Variants in SUZ12 observed in about 807,000 individuals in gnomAD.
SUZ12 encodes the protein polycomb protein SUZ12.
SUZ12 carries 17 observed loss-of-function variants against 87.3 expected under a neutral mutation model. The ratio of observed to expected loss-of-function variants is 0.19; its 90% CI spans 0.13 to 0.29. SUZ12 has a LOEUF of 0.29. SUZ12 is among the 10% of genes least tolerant of loss of function. The pLI is 1.00. For synonymous variants in SUZ12, 253 were observed against 312.4 expected (o/e 0.81, Z 2.01); for missense variants, 526 against 912.2 (o/e 0.58, Z 5.45).
chr17:31,957,352 G>A (rs182778762), intron 4 of SUZ12, among the ~76,000 whole-genome samples: 8 of 151,330 alleles, frequency 5.3e-5, no homozygotes, highest in Admixed American at 5.3e-4. Context: ...TAATTCTCCT[G>A]TCTCAGCTTC....
At chr17:31,938,692 T>A (rs1906089065) in intron 1 of SUZ12, among the ~76,000 whole-genome samples, 1 of 152,234 alleles carries the variant, frequency 6.6e-6, no homozygotes, top group South Asian at 2.1e-4. Context: ...GTGGTGACAA[T>A]AATGATACTT....
chr17:31,958,168 C>G (rs1441639098), intron 4 of SUZ12, among the ~76,000 whole-genome samples: 2 of 151,802 alleles, frequency 1.3e-5, no homozygotes, highest in Admixed American at 6.6e-5. Context: ...TCCCAAAGTG[C>G]CGGGATTGCA....
chr17:31,958,195 C>T (rs1159511116), intron 4 of SUZ12, among the ~76,000 whole-genome samples: 1 of 152,006 alleles, frequency 6.6e-6, no homozygotes, highest in Admixed American at 6.6e-5. Flanking sequence ...AGCCACCGCG[C>T]CCAGCCCCTT....
chr17:31,978,707 A>T (rs1365905390), intron 8 of SUZ12, among the ~76,000 whole-genome samples: 1 of 152,152 alleles, frequency 6.6e-6, no homozygotes, highest in Non-Finnish European at 1.5e-5. Flanking sequence ...TAATCACTGT[A>T]CCTGACACAT....
chr17:31,967,887 C>G (rs1228354132), intron 5 of SUZ12, among the ~76,000 whole-genome samples: 2 of 152,138 alleles, frequency 1.3e-5, no homozygotes, highest in Non-Finnish European at 2.9e-5. Context: ...AAATATTAGA[C>G]TGGGCGTGGT....
At chr17:31,971,875 G>A (rs1908454395) in intron 5 of SUZ12, among the ~76,000 whole-genome samples, 1 of 152,138 alleles carries the variant, frequency 6.6e-6, no homozygotes, top group Non-Finnish European at 1.5e-5. Flanking sequence ...AGCTACTTAG[G>A]AGGCTTAAAA....
At chr17:31,938,725 C>G (rs1422212749) in intron 1 of SUZ12, among the ~76,000 whole-genome samples, 1 of 152,152 alleles carries the variant, frequency 6.6e-6, no homozygotes, top group Non-Finnish European at 1.5e-5. Flanking sequence ...TCTAAAGTAT[C>G]TCATCTCCCT....
chr17:31,974,690 G>A (rs1174438545), intron 6 of SUZ12, among the ~76,000 whole-genome samples: 2 of 152,132 alleles, frequency 1.3e-5, no homozygotes, highest in South Asian at 2.1e-4. Context: ...AGTCATCTCC[G>A]GAGCGTAAGA....
At chr17:31,961,207 C>T (rs573459389) in intron 4 of SUZ12, among the ~76,000 whole-genome samples, 6 of 148,270 alleles carry the variant, frequency 4.0e-5, no homozygotes, top group Admixed American at 1.3e-4. Flanking sequence ...AGCGAGACTC[C>T]GTCTCAAAAA....
chr17:31,987,696 C>T (rs952012224), intron 9 of SUZ12, among the ~76,000 whole-genome samples: 2 of 151,948 alleles, frequency 1.3e-5, no homozygotes, highest in African/African-American at 2.4e-5. Flanking sequence ...TTTGGGAGGC[C>T]GAGGCAGGCA....
intron 3 of SUZ12, among the ~76,000 whole-genome samples, chr17:31,941,926 C>T (rs1319618414): frequency 2.6e-5 from 4 of 151,990 alleles, no homozygotes; most frequent in African/African-American, 9.7e-5. Context: ...GATATCGGCT[C>T]ACTGCAACCT....
chr17:31,985,117 C>G (rs1434683839), intron 9 of SUZ12, among the ~76,000 whole-genome samples: 2 of 142,700 alleles, frequency 1.4e-5, no homozygotes, highest in Non-Finnish European at 3.0e-5. Flanking sequence ...TGAGATTTTG[C>G]CACTTCACTT....
rs10681815 is a variant in SUZ12 at position 31,983,274 on chromosome 17, C to CTTTTT, written c.1023+185_1023+189dup. 1.4e-3 allele frequency among the ~76,000 whole-genome samples: 166 copies of CTTTTT among 118,186 alleles called. 2 individuals are homozygous for CTTTTT. The highest frequency in any genetic ancestry group is 4.7e-3 in the Middle Eastern group (1 of 212). The allele number at this position is 118,186 out of a possible 152,430, so 77.5% of individuals were successfully genotyped here. A position where few individuals can be genotyped will look rare whatever the true frequency, so the allele number is the denominator to read the frequency against. Reference sequence around the variant, plus strand: ...AGAGCATTTAACGGAAGGTATCATTCTTTTTTTTTTTTTTTTTTTGAGGGG... The same window carrying CTTTTT: ...AGAGCATTTAACGGAAGGTATCATTCTTTTTTTTTTTTTTTTTTTTTTTTGAGGGG... On this transcript the variant is annotated intron_variant, in intron 9 of 15. Coordinates refer to ENST00000322652, the MANE Select transcript of SUZ12 (RefSeq NM_015355.4).
chr17:31,992,994 C>T (rs567687107), intron 10 of SUZ12, among the ~76,000 whole-genome samples: 8 of 152,268 alleles, frequency 5.3e-5, no homozygotes, highest in Non-Finnish European at 8.8e-5. Context: ...CGTGAGCCAC[C>T]GCGCCCGGCC....
intron 13 of SUZ12, 116 bp downstream of exon 13, chr17:31,994,837 A>T: frequency 8.8e-7 from 1 of 1,132,578 alleles, no homozygotes; most frequent in Non-Finnish European, 1.2e-6. Flanking sequence ...ATTTTTCAGT[A>T]TTAGGTGTCT....
chr17:31,938,177 G>T (rs1489426863), intron 1 of SUZ12, among the ~76,000 whole-genome samples: 1 of 152,170 alleles, frequency 6.6e-6, no homozygotes, highest in Non-Finnish European at 1.5e-5. Flanking sequence ...CTGTTTCTAA[G>T]TTCTGTCTGG....
intron 13 of SUZ12, among the ~76,000 whole-genome samples, 168 bp from the exon 14 acceptor site, chr17:31,995,396 T>G (rs538304146): frequency 1.2e-4 from 19 of 152,384 alleles, no homozygotes; most frequent in African/African-American, 4.6e-4. Flanking sequence ...ATTTACATTA[T>G]GTACCAAAAG....
chr17:31,968,001 A>AT (rs1226443072), intron 5 of SUZ12, among the ~76,000 whole-genome samples: 1 of 152,152 alleles, frequency 6.6e-6, no homozygotes, highest in Admixed American at 6.5e-5. Context: ...AAGTAAAAAA[A>AT]GATTAACTGG....
intron 15 of SUZ12, among the ~76,000 whole-genome samples, chr17:31,998,292 G>T (rs940421523): frequency 1.1e-4 from 17 of 152,132 alleles, no homozygotes; most frequent in African/African-American, 4.1e-4. Flanking sequence ...TGTTAGCCAG[G>T]ATGGTCTTGA....
Sources: gnomAD v4.1 joint callset for allele counts (sites outside exome capture counted in the v4.1 genomes callset) on GRCh38, gnomAD v4.1.1 for gene constraint, MANE v1.5 for transcripts, NCBI Gene and HGNC (gene_info 2026-07-23, HGNC 2026-07-21) for gene names.